The following CPEB3 variants were observed in gnomAD, a reference collection of about 807,000 sequenced individuals.
CPEB3 encodes cytoplasmic polyadenylation element-binding protein 3.
In CPEB3, 20 loss-of-function variants were observed where a neutral mutation model predicts 67.2. That is an observed-to-expected ratio of 0.30 (90% CI 0.21 to 0.43). The LOEUF (loss-of-function observed/expected upper bound fraction) is 0.43, where lower values mean the gene tolerates loss of function less well. Among genes scored for constraint, CPEB3 ranks in the 20% least tolerant of loss-of-function variants. The pLI is 1.00. For synonymous variants in CPEB3, 376 were observed against 393.1 expected, an observed-to-expected ratio of 0.96 and a Z score of 0.51; for missense variants, 746 against 968.6, an observed-to-expected ratio of 0.77 and a Z score of 3.05.
intron 2 of CPEB3, among the ~76,000 whole-genome samples, chr10:92,226,984 T>C (rs1419343634): frequency 1.3e-5 from 2 of 152,126 alleles, no homozygotes; most frequent in East Asian, 1.9e-4. Flanking sequence ...CTGTATATGG[T>C]ATATGCACAG....
At chr10:92,055,909 T>C (rs1842093009) in intron 9 of CPEB3, among the ~76,000 whole-genome samples, 1 of 152,152 alleles carries the variant, frequency 6.6e-6, no homozygotes, top group South Asian at 2.1e-4. Flanking sequence ...TCCCAGCTAC[T>C]TGGGAGGCTG....
At chr10:92,258,592 T>C (rs1319056794) in intron 1 of CPEB3, among the ~76,000 whole-genome samples, 2 of 139,838 alleles carry the variant, frequency 1.4e-5, no homozygotes, top group Non-Finnish European at 3.0e-5. Context: ...CCTTCATCTA[T>C]GTTCAGTTTC....
At chr10:92,184,197 T>C (rs921261054) in intron 3 of CPEB3, among the ~76,000 whole-genome samples, 4 of 152,232 alleles carry the variant, frequency 2.6e-5, no homozygotes, top group Admixed American at 2.0e-4. Flanking sequence ...ATTGAAAGTA[T>C]CACTAATTGG....
At position 92,190,582 on chromosome 10, in the gene CPEB3, T is replaced by A. The variant is rs185197248; in HGVS notation, c.1165+1895A>T. On this transcript the variant is annotated intron_variant, in intron 3 of 9. Coordinates refer to ENST00000265997, the MANE Select transcript of CPEB3 (RefSeq NM_014912.5). ...CAGGAAGCTGAGGCAGGAGAATCGC[T>A]TGAACCCATGAGGCACACGTTGTGG... is the stretch of plus-strand genomic sequence containing the variant. Among the ~76,000 whole-genome samples the A allele has an allele frequency of 3.4e-5, 5 of 145,632 alleles. No individual in the cohort carries two copies. The East Asian group carries it at 1.0e-3, about 30-fold the overall frequency.
chr10:92,237,625 CA>C (rs1229551136), intron 2 of CPEB3, among the ~76,000 whole-genome samples: 6 of 152,146 alleles, frequency 3.9e-5, no homozygotes. Flanking sequence ...TATCAGCTCC[CA>C]AAACTCCCTA....
chr10:92,256,191 G>A (rs1019277004), intron 1 of CPEB3, among the ~76,000 whole-genome samples: 8 of 151,632 alleles, frequency 5.3e-5, no homozygotes, highest in East Asian at 1.9e-4. Context: ...ACATCCTATC[G>A]TCTCCATTCA....
rs559910924 is a variant in CPEB3, at chr10:92,228,430, T to C, written c.1005+10916A>G. On this transcript the variant is annotated intron_variant, in intron 2 of 9. Coordinates refer to ENST00000265997, the MANE Select transcript of CPEB3 (RefSeq NM_014912.5). ...CCAGATTGCAAAAGAGAGGTGCTTC[T>C]AGATACATTTACCTCTCGTCTCCTT... Among the ~76,000 whole-genome samples the C allele has an allele frequency of 4.2e-4, 64 of 152,296 alleles. No homozygotes were observed. In the South Asian group the frequency reaches 0.013, roughly 31 times the overall value.
At chr10:92,190,788 C>A (rs1368400112) in intron 3 of CPEB3, among the ~76,000 whole-genome samples, 2 of 151,416 alleles carry the variant, frequency 1.3e-5, no homozygotes, top group East Asian at 2.0e-4. Context: ...AGCCTACCAT[C>A]CTTCTCTTAA....
chr10:92,242,025 A>C (rs968927354), intron 1 of CPEB3, among the ~76,000 whole-genome samples: 1 of 152,248 alleles, frequency 6.6e-6, no homozygotes, highest in African/African-American at 2.4e-5. Context: ...TTATTGTTAA[A>C]ATCAACATAT....
intron 7 of CPEB3, among the ~76,000 whole-genome samples, chr10:92,093,526 G>A (rs1308322479): frequency 1.3e-5 from 2 of 151,510 alleles, no homozygotes; most frequent in East Asian, 3.9e-4. Context: ...TTTGGGAGAT[G>A]GAGTTTCCCC....
chr10:92,080,883 G>A (rs960751964), intron 9 of CPEB3, among the ~76,000 whole-genome samples: 5 of 152,132 alleles, frequency 3.3e-5, no homozygotes, highest in African/African-American at 1.2e-4. Flanking sequence ...ACAGGTGTGA[G>A]CCACCGCGCC....
intron 2 of CPEB3, among the ~76,000 whole-genome samples, chr10:92,219,991 C>G (rs997446231): frequency 4.6e-5 from 7 of 152,172 alleles, no homozygotes; most frequent in African/African-American, 1.7e-4. Flanking sequence ...AACCCCATCT[C>G]TGCTAAAAAT....
At chr10:92,093,555 T>A (rs1361355327) in intron 7 of CPEB3, among the ~76,000 whole-genome samples, 1 of 151,496 alleles carries the variant, frequency 6.6e-6, no homozygotes, top group African/African-American at 2.4e-5. Context: ...CAGGCTGGAG[T>A]GAAGTGGCAC....
At chr10:92,169,090 C>A (rs760851965) in intron 4 of CPEB3, among the ~76,000 whole-genome samples, 1 of 151,666 alleles carries the variant, frequency 6.6e-6, no homozygotes. Context: ...GCTAACCGTG[C>A]CTGGCCTAAA....
At position 92,212,925 on chromosome 10, in the gene CPEB3, A is replaced by T. The variant is rs553542858; in HGVS notation, c.1006-20289T>A. On this transcript the variant is annotated intron_variant, in intron 2 of 9. Coordinates refer to ENST00000265997, the MANE Select transcript of CPEB3 (RefSeq NM_014912.5). ...TCTCTACAAAAAATAAATAAAATTT[A>T]AAAAATTTCAAGTGTTTCTTTTTAC... is the stretch of plus-strand genomic sequence containing the variant. 5.3e-5 allele frequency among the ~76,000 whole-genome samples: 8 copies of T among 152,274 alleles called. No homozygotes were observed. In the East Asian group the frequency reaches 1.4e-3, roughly 26 times the overall value.
intron 2 of CPEB3, among the ~76,000 whole-genome samples, chr10:92,226,382 G>A (rs768437768): frequency 3.9e-5 from 6 of 152,128 alleles, no homozygotes; most frequent in Admixed American, 6.6e-5. Flanking sequence ...GTCCTAAAAC[G>A]GGAAATGTAT....
chr10:92,259,249 C>T (rs747049172), intron 1 of CPEB3, among the ~76,000 whole-genome samples: 3 of 151,894 alleles, frequency 2.0e-5, no homozygotes, highest in African/African-American at 4.8e-5. Flanking sequence ...AGGTATGAGC[C>T]GCCACACCCA....
chr10:92,189,175 T>TA (rs569276909), intron 3 of CPEB3, among the ~76,000 whole-genome samples: 61 of 152,326 alleles, frequency 4.0e-4, no homozygotes, highest in African/African-American at 1.2e-3. Context: ...ATATATTTTT[T>TA]ACATCATTCA....
At chr10:92,211,371 T>C (rs534984045) in intron 2 of CPEB3, among the ~76,000 whole-genome samples, 1 of 152,192 alleles carries the variant, frequency 6.6e-6, no homozygotes, top group African/African-American at 2.4e-5. Flanking sequence ...GGCATGCTAA[T>C]GGAAGATCAC....
Sources: gnomAD v4.1 joint callset for allele counts (sites outside exome capture counted in the v4.1 genomes callset) on GRCh38, gnomAD v4.1.1 for gene constraint, MANE v1.5 for transcripts, NCBI Gene and HGNC (gene_info 2026-07-23, HGNC 2026-07-21) for gene names.